ARL3: variants seen among roughly 807,000 people sequenced by gnomAD.
ARL3 encodes ADP-ribosylation factor-like protein 3.
In ARL3, 9 loss-of-function variants were observed where a neutral mutation model predicts 26.0. The ratio of observed to expected loss-of-function variants is 0.35; its 90% CI spans 0.21 to 0.60. ARL3 has a LOEUF of 0.60. Among genes scored for constraint, ARL3 ranks in the 20% least tolerant of loss-of-function variants. The pLI, the probability that ARL3 is intolerant of heterozygous loss-of-function variation, is 0.78. For synonymous variants in ARL3, 71 were observed against 78.4 expected, an observed-to-expected ratio of 0.91 and a Z score of 0.50; for missense variants, 158 against 215.7, an observed-to-expected ratio of 0.73 and a Z score of 1.67.
Position 102,687,028 on chromosome 10 carries a change from CCAT to C in ARL3, c.316-1030_316-1028del, listed in dbSNP as rs2064190963. Among the ~76,000 whole-genome samples the C allele has an allele frequency of 2.6e-5, 4 of 151,594 alleles. No individual in the cohort carries two copies. In the South Asian group the frequency reaches 8.3e-4, roughly 31 times the overall value. On this transcript the variant is annotated intron_variant, in intron 4 of 5. Coordinates refer to ENST00000260746, the MANE Select transcript of ARL3 (RefSeq NM_004311.4). ...TGGCTGGGATTACAGGCGCCCACCA[CCAT>C]GCCTCGCTAATTTTTTTTGTATTTT... is the stretch of plus-strand genomic sequence containing the variant.
At chr10:102,697,504 A>T (rs1208076389) in intron 3 of ARL3, among the ~76,000 whole-genome samples, 1 of 152,200 alleles carries the variant, frequency 6.6e-6, no homozygotes, top group Non-Finnish European at 1.5e-5. Context: ...AGGGACCACT[A>T]TCATTTATGA....
chr10:102,708,418 A>G (rs1328471779), intron 1 of ARL3, among the ~76,000 whole-genome samples: 3 of 152,198 alleles, frequency 2.0e-5, no homozygotes, highest in Non-Finnish European at 4.4e-5. Flanking sequence ...AGTGAAAAGA[A>G]GAGGTCTCAT....
intron 5 of ARL3, among the ~76,000 whole-genome samples, chr10:102,677,296 A>G (rs2064135233): frequency 6.6e-6 from 1 of 152,238 alleles, no homozygotes. Context: ...TTTTTCTAAA[A>G]GGTGACCTTT....
chr10:102,699,837 A>G (rs545733581), intron 2 of ARL3, among the ~76,000 whole-genome samples: 17 of 152,348 alleles, frequency 1.1e-4, no homozygotes, highest in African/African-American at 3.1e-4. Context: ...AAAATTTAAC[A>G]GGACATTTCA....
intron 2 of ARL3, 116 bp downstream of exon 2, chr10:102,705,229 AC>A: frequency 7.9e-7 from 1 of 1,268,596 alleles, no homozygotes; most frequent in South Asian, 1.9e-5. Context: ...GATTGTATAG[AC>A]TTTTCTCAGA....
At chr10:102,692,997 CTCTGTG>C (rs1242568714) in intron 3 of ARL3, among the ~76,000 whole-genome samples, 3 of 152,210 alleles carry the variant, frequency 2.0e-5, no homozygotes, top group Non-Finnish European at 4.4e-5. Flanking sequence ...CACCCGGCCC[CTCTGTG>C]TCTTTTCATG....
At chr10:102,709,064 C>T (rs2064325077) in intron 1 of ARL3, among the ~76,000 whole-genome samples, 1 of 150,988 alleles carries the variant, frequency 6.6e-6, no homozygotes, top group South Asian at 2.1e-4. Flanking sequence ...ACAACCGCAC[C>T]CAGCTAATTT....
chr10:102,704,174 A>G (rs1314601892), intron 2 of ARL3, among the ~76,000 whole-genome samples: 1 of 149,480 alleles, frequency 6.7e-6, no homozygotes, highest in South Asian at 2.1e-4. Flanking sequence ...AAAAAAAAAA[A>G]GGCAGGTAAT....
At chr10:102,707,999 G>A (rs982963815) in intron 1 of ARL3, among the ~76,000 whole-genome samples, 19 of 151,756 alleles carry the variant, frequency 1.3e-4, no homozygotes, top group Non-Finnish European at 2.4e-4. Flanking sequence ...CTGCAGCTTC[G>A]ACTCCCTGGG....
At chr10:102,686,130 G>C in intron 4 of ARL3, 129 bp from the exon 5 acceptor site, 1 of 756,682 alleles carries the variant, frequency 1.3e-6, no homozygotes, top group East Asian at 2.8e-5. Flanking sequence ...GGAGTGCAAT[G>C]GCGTGATCTC....
intron 5 of ARL3, 35 bp downstream of exon 5, chr10:102,685,781 T>C (rs1340486174): frequency 5.2e-6 from 8 of 1,546,848 alleles, no homozygotes; most frequent in Non-Finnish European, 8.7e-7. Flanking sequence ...TTAGCTGTCA[T>C]GTTGCCAGGT....
At chr10:102,711,712 G>A (rs948123382) in intron 1 of ARL3, among the ~76,000 whole-genome samples, 1 of 151,780 alleles carries the variant, frequency 6.6e-6, no homozygotes, top group African/African-American at 2.4e-5. Flanking sequence ...AACGGAGATC[G>A]CGCCACTGCA....
At chr10:102,711,095 G>A (rs944419074) in intron 1 of ARL3, among the ~76,000 whole-genome samples, 2 of 152,104 alleles carry the variant, frequency 1.3e-5, no homozygotes, top group African/African-American at 2.4e-5. Context: ...TTGTTTTTAC[G>A]TCTTTCAACT....
intron 3 of ARL3, among the ~76,000 whole-genome samples, chr10:102,698,408 T>C (rs540710573): frequency 6.6e-6 from 1 of 152,302 alleles, no homozygotes; most frequent in African/African-American, 2.4e-5. Flanking sequence ...GACATAGATA[T>C]GGCTGCTATT....
At chr10:102,680,781 T>C (rs1456783745) in intron 5 of ARL3, among the ~76,000 whole-genome samples, 1 of 152,168 alleles carries the variant, frequency 6.6e-6, no homozygotes, top group Non-Finnish European at 1.5e-5. Context: ...TTTAAGATGA[T>C]GAGGTGCTCG....
intron 5 of ARL3, among the ~76,000 whole-genome samples, chr10:102,681,673 C>A (rs2064156873): frequency 6.6e-6 from 1 of 151,986 alleles, no homozygotes; most frequent in East Asian, 1.9e-4. Flanking sequence ...GAGGGGGTGG[C>A]CTGGAGAGCA....
intron 1 of ARL3, among the ~76,000 whole-genome samples, chr10:102,709,479 C>A (rs1590129489): frequency 2.6e-5 from 3 of 114,336 alleles, no homozygotes; most frequent in Admixed American, 9.0e-5. Context: ...ATATCCCTAC[C>A]AAAAAAAAAA....
At chr10:102,684,897 C>T (rs1301939698) in intron 5 of ARL3, among the ~76,000 whole-genome samples, 1 of 151,598 alleles carries the variant, frequency 6.6e-6, no homozygotes, top group Non-Finnish European at 1.5e-5. Context: ...CCCGCCTCGG[C>T]CTCCCAAAGT....
intron 1 of ARL3, among the ~76,000 whole-genome samples, chr10:102,709,248 TC>T (rs1377441681): frequency 7.2e-5 from 11 of 151,826 alleles, no homozygotes; most frequent in Non-Finnish European, 1.6e-4. Context: ...TTTGGGTTTT[TC>T]CTCATGTGTC....
Sources: gnomAD v4.1 joint callset for allele counts (sites outside exome capture counted in the v4.1 genomes callset) on GRCh38, gnomAD v4.1.1 for gene constraint, MANE v1.5 for transcripts, NCBI Gene and HGNC (gene_info 2026-07-23, HGNC 2026-07-21) for gene names.